RASGEF1A: variants seen among roughly 807,000 people sequenced by gnomAD.
The protein encoded by RASGEF1A is RasGEF domain family member 1A, also known as ras-GEF domain-containing family member 1A.
A neutral mutation model predicts 56.4 loss-of-function variants in RASGEF1A; 18 were observed. That is an observed-to-expected ratio of 0.32 (90% CI 0.22 to 0.47). RASGEF1A has a LOEUF of 0.47. RASGEF1A is among the 20% of genes least tolerant of loss of function. RASGEF1A has a pLI of 1.00. For synonymous variants in RASGEF1A, 245 were observed against 242.6 expected, an observed-to-expected ratio of 1.01 and a Z score of -0.09; for missense variants, 422 against 627.1, an observed-to-expected ratio of 0.67 and a Z score of 3.49.
rs12570997 is a variant in RASGEF1A at position 43,249,423 on chromosome 10, G to A, written c.-7+17422C>T. 5.7e-3 allele frequency among the ~76,000 whole-genome samples: 875 copies of A among 152,338 alleles called. 16 individuals are homozygous for A. Among genetic ancestry groups the A allele is most frequent in the East Asian group, 0.046 (240 of 5,180 alleles). On this transcript the variant is annotated intron_variant, in intron 1 of 12. Transcript: ENST00000395810. The stretch of plus-strand genomic sequence containing the variant: ...GCTCTTCTGAGTCACGGTCCTGGGG[G>A]AAGGGGGTTCTGTTGGCCTCAGCTT...
chr10:43,247,705 A>G (rs763747147), intron 1 of RASGEF1A, among the ~76,000 whole-genome samples: 11 of 152,230 alleles, frequency 7.2e-5, no homozygotes, highest in Non-Finnish European at 1.5e-4. Context: ...TCATAGAGTC[A>G]TAAAATAGAT....
intron 1 of RASGEF1A, among the ~76,000 whole-genome samples, chr10:43,236,682 G>A (rs896364936): frequency 2.0e-5 from 3 of 152,332 alleles, no homozygotes; most frequent in South Asian, 2.1e-4. Flanking sequence ...AACACAGTAC[G>A]TGCTCATCTT....
At chr10:43,247,008 T>C (rs1840573317) in intron 1 of RASGEF1A, among the ~76,000 whole-genome samples, 2 of 152,192 alleles carry the variant, frequency 1.3e-5, no homozygotes, top group African/African-American at 4.8e-5. Context: ...GAGAAAATAT[T>C]TGCATGCCAT....
chr10:43,227,602 G>A (rs76532295), intron 1 of RASGEF1A, among the ~76,000 whole-genome samples: 5,725 of 152,260 alleles, frequency 0.038, 346 homozygotes, highest in African/African-American at 0.13. Context: ...GCCAGCAGGT[G>A]CAGGTGTGGG....
Position 43,214,057 on chromosome 10 carries a change from T to C in RASGEF1A, c.-6-7935A>G, listed in dbSNP as rs1395785984. ...CCTCGGGAGGGGCAGCCACACAGTGTGTACACCTTTCCTGAGCTGGTGCAC... is the reference window on the plus strand; with the variant it reads ...CCTCGGGAGGGGCAGCCACACAGTGCGTACACCTTTCCTGAGCTGGTGCAC... On this transcript the variant is annotated intron_variant, in intron 1 of 12. Coordinates refer to ENST00000395810, the MANE Select transcript of RASGEF1A (RefSeq NM_145313.4). Among the ~76,000 whole-genome samples the C allele has an allele frequency of 4.6e-5, 7 of 152,310 alleles. No homozygotes were observed. The East Asian group carries it at 1.4e-3, about 29-fold the overall frequency.
chr10:43,251,702 C>T (rs1295149058), intron 1 of RASGEF1A, among the ~76,000 whole-genome samples: 1 of 152,154 alleles, frequency 6.6e-6, no homozygotes, highest in Non-Finnish European at 1.5e-5. Context: ...ACCTGGGGAG[C>T]TCACCCTGTC....
intron 1 of RASGEF1A, among the ~76,000 whole-genome samples, chr10:43,254,776 C>T (rs1285652091): frequency 2.6e-5 from 4 of 152,132 alleles, no homozygotes; most frequent in East Asian, 3.9e-4. Context: ...AGCAGGGGTC[C>T]AAGCAGGGGC....
intron 1 of RASGEF1A, among the ~76,000 whole-genome samples, chr10:43,222,453 C>T (rs1236128821): frequency 3.3e-5 from 5 of 152,264 alleles, no homozygotes; most frequent in African/African-American, 9.6e-5. Flanking sequence ...GGGTCCATCA[C>T]CAATGGCCAA....
At chr10:43,203,870 C>G (rs1476873845) in intron 2 of RASGEF1A, 2 of 802,138 alleles carry the variant, frequency 2.5e-6, no homozygotes, top group Non-Finnish European at 3.0e-6. Flanking sequence ...CGGGGCCTGT[C>G]GGGAGCAGGG....
At chr10:43,231,366 AG>A (rs1222424115) in intron 1 of RASGEF1A, among the ~76,000 whole-genome samples, 2 of 152,212 alleles carry the variant, frequency 1.3e-5, no homozygotes, top group African/African-American at 4.8e-5. Flanking sequence ...CCTGTACCGT[AG>A]CCCTGCAGAA....
chr10:43,265,050 C>G (rs1836599427), intron 1 of RASGEF1A, among the ~76,000 whole-genome samples: 2 of 152,204 alleles, frequency 1.3e-5, no homozygotes, highest in Admixed American at 1.3e-4. Context: ...CGCTCTCCTC[C>G]CTGGCTGGCC....
At position 43,248,414 on chromosome 10, in the gene RASGEF1A, T is replaced by C. The variant is rs567500053; in HGVS notation, c.-7+18431A>G. ...AGGTTCTGGAATTAGAGATGATGGT[T>C]CCATTTGTGAATACACTAAAACCCA... On this transcript the variant is annotated intron_variant, in intron 1 of 12. Coordinates refer to ENST00000395810, the MANE Select transcript of RASGEF1A (RefSeq NM_145313.4). Among the ~76,000 whole-genome samples the C allele has an allele frequency of 4.0e-5, 6 of 150,216 alleles. No individual in the cohort carries two copies. In the South Asian group the frequency reaches 1.1e-3, roughly 26 times the overall value.
intron 3 of RASGEF1A, chr10:43,202,766 C>T (rs978995932): frequency 2.6e-5 from 12 of 462,956 alleles, no homozygotes; most frequent in African/African-American, 2.2e-4. Flanking sequence ...GCTCCCACCA[C>T]GCCCCTAACC....
intron 2 of RASGEF1A, 174 bp from the exon 3 acceptor site, chr10:43,203,594 T>TA (rs1400501836): frequency 4.1e-6 from 5 of 1,232,548 alleles, no homozygotes; most frequent in Non-Finnish European, 5.4e-6. Flanking sequence ...CTCTTACTGC[T>TA]ACCCCGGCCC....
chr10:43,245,708 C>T (rs1840560622), intron 1 of RASGEF1A, among the ~76,000 whole-genome samples: 1 of 152,132 alleles, frequency 6.6e-6, no homozygotes, highest in African/African-American at 2.4e-5. Context: ...TAAAATCCAA[C>T]ATCCTTTGAA....
At chr10:43,231,189 C>T (rs997701497) in intron 1 of RASGEF1A, among the ~76,000 whole-genome samples, 9 of 152,248 alleles carry the variant, frequency 5.9e-5, no homozygotes, top group South Asian at 2.1e-4. Flanking sequence ...CCAGAAGATG[C>T]GAAGCTCATG....
In RASGEF1A at chr10:43,195,917, A is replaced by AC. The variant is rs1170894332; in HGVS notation, c.*326_*327insG. On this transcript the variant is annotated 3_prime_UTR_variant, in exon 13 of 13. Transcript: ENST00000395810. This position sits in a 1 kb window ranked among gnomAD's most constrained non-coding sequence, Gnocchi z 4.2. Reference sequence around the variant, plus strand: ...TGGTTTTGGCTGGGTTTTTTAAAATATTTTTTTCATAAGATGTTAATAATC... The same window carrying AC: ...TGGTTTTGGCTGGGTTTTTTAAAATACTTTTTTTCATAAGATGTTAATAATC... The AC allele has an allele frequency of 1.1e-5, 2 of 181,112 alleles. No homozygotes were observed. The highest frequency in any genetic ancestry group is 2.3e-5 in the Non-Finnish European group (2 of 87,132). 11.2% of individuals were successfully genotyped at this position (181,112 alleles called of 1,614,324 possible).
At position 43,200,718 on chromosome 10, in the gene RASGEF1A, G is replaced by A. The variant is rs202042692; in HGVS notation, c.630C>T (p.Gly210=). Residue 210 remains glycine (G), a synonymous_variant, in exon 5 of 13, where the codon GGC becomes GGT. Transcript: ENST00000395810. ...CCAGCACCAGGGGGTCGCAGCACAC[G>A]CCCAGGATGTCCTTCTGGGCGGCTG... ...KPPAAQKDIL[G]VCCDPLVLAQ... 3.2e-5 allele frequency: 52 copies of A among 1,613,572 alleles called. No individual in the cohort carries two copies. The African/African-American group carries it at 5.7e-4, about 18-fold the overall frequency.
At position 43,196,311 on chromosome 10, in the gene RASGEF1A, C is replaced by T. The variant is rs368536671; in HGVS notation, c.1422-43G>A. ...AAGCAGTGCTCAGGCCCGAGCAGGG[C>T]GGCTTGGGTCCAAGCCATCCTCAGC... On this transcript the variant is annotated intron_variant, in intron 12 of 12. Transcript: ENST00000395810. This position sits in a 1 kb window ranked among gnomAD's most constrained non-coding sequence, Gnocchi z 4.6. 94 of 1,609,586 alleles carry T rather than the reference C, an allele frequency of 5.8e-5. No individual in the cohort carries two copies. Among genetic ancestry groups the T allele is most frequent in the African/African-American group, 5.5e-4 (41 of 74,924 alleles).
Sources: allele counts gnomAD v4.1 joint callset (sites outside exome capture counted in the v4.1 genomes callset), GRCh38; gene constraint gnomAD v4.1.1; non-coding constraint Gnocchi (gnomAD v3.1); transcripts MANE v1.5; gene names NCBI Gene and HGNC (gene_info 2026-07-23, HGNC 2026-07-21).